IGF1R: variants seen among roughly 807,000 people sequenced by gnomAD.
IGF1R encodes the protein insulin-like growth factor 1 receptor.
A neutral mutation model predicts 144.6 loss-of-function variants in IGF1R; 44 were observed. The ratio of observed to expected loss-of-function variants is 0.30; its 90% CI spans 0.24 to 0.39. IGF1R has a LOEUF of 0.39. Among genes scored for constraint, IGF1R ranks in the 10% least tolerant of loss-of-function variants. The probability of loss-of-function intolerance (pLI) is 1.00; values close to 1 mark genes in which losing one functional copy is unlikely to be tolerated. For synonymous variants in IGF1R, 795 were observed against 722.8 expected (o/e 1.10, Z -1.60); for missense variants, 1,355 against 1,833.7 (o/e 0.74, Z 4.77).
intron 13 of IGF1R, 122 bp from the exon 14 acceptor site, chr15:98,929,436 G>A (rs2015853854): frequency 1.3e-6 from 1 of 771,802 alleles, no homozygotes; most frequent in Non-Finnish European, 2.4e-6. Flanking sequence ...AATTCTTACT[G>A]TATGATGGGG....
intron 14 of IGF1R, 31 bp from the exon 15 acceptor site, chr15:98,930,204 T>G (rs1336573107): frequency 6.5e-7 from 1 of 1,530,518 alleles, no homozygotes; most frequent in Non-Finnish European, 9.1e-7. Context: ...GAGGTGGGGT[T>G]TTGTTAACGT....
At chr15:98,898,173 T>C (rs1201287473) in intron 4 of IGF1R, among the ~76,000 whole-genome samples, 3 of 152,244 alleles carry the variant, frequency 2.0e-5, no homozygotes, top group Non-Finnish European at 4.4e-5. Flanking sequence ...GTACTTCTGA[T>C]GTTTAATTCT....
At chr15:98,813,389 A>C (rs948174566) in intron 2 of IGF1R, among the ~76,000 whole-genome samples, 2 of 152,236 alleles carry the variant, frequency 1.3e-5, no homozygotes, top group African/African-American at 4.8e-5. Context: ...ATACCAGGCA[A>C]GAGACAGCCC....
Position 98,673,413 on chromosome 15 carries a change from G to A in IGF1R, c.94+23738G>A, listed in dbSNP as rs546178855. 1.2e-4 allele frequency among the ~76,000 whole-genome samples: 18 copies of A among 152,226 alleles called. No individual in the cohort carries two copies. In the East Asian group the frequency reaches 3.5e-3, roughly 29 times the overall value. On this transcript the variant is annotated intron_variant, in intron 1 of 20. Coordinates refer to ENST00000650285, the MANE Select transcript of IGF1R (RefSeq NM_000875.5). Reference sequence around the variant, plus strand: ...CTTTCCTCAGCTGCTCTTCTAGTAGGAAAATAACAGCCCTCTTAGCTGTAG... The same window carrying A: ...CTTTCCTCAGCTGCTCTTCTAGTAGAAAAATAACAGCCCTCTTAGCTGTAG...
chr15:98,734,030 A>C (rs1278683325), intron 2 of IGF1R, among the ~76,000 whole-genome samples: 1 of 152,216 alleles, frequency 6.6e-6, no homozygotes, highest in Admixed American at 6.5e-5. Context: ...CCTGCCTCGT[A>C]GGACCCTCAG....
chr15:98,946,496 C>A (rs1181663477), intron 19 of IGF1R, among the ~76,000 whole-genome samples: 2 of 152,112 alleles, frequency 1.3e-5, no homozygotes, highest in East Asian at 3.9e-4. Flanking sequence ...GCCAGGCAAG[C>A]AGGATCCTGC....
chr15:98,664,714 A>C (rs2052687820), intron 1 of IGF1R, among the ~76,000 whole-genome samples: 1 of 147,860 alleles, frequency 6.8e-6, no homozygotes. Context: ...AAAAAGTGTC[A>C]CCCATCTTGG....
chr15:98,930,347 G>T, intron 15 of IGF1R, 42 bp downstream of exon 15: 1 of 1,451,780 alleles, frequency 6.9e-7, no homozygotes, highest in Non-Finnish European at 9.6e-7. Context: ...TGCAGGGCAG[G>T]TAGATCGGGA....
At chr15:98,791,807 A>C (rs2056133239) in intron 2 of IGF1R, among the ~76,000 whole-genome samples, 1 of 152,252 alleles carries the variant, frequency 6.6e-6, no homozygotes, top group Non-Finnish European at 1.5e-5. Flanking sequence ...TACAAATGGA[A>C]GGTAGCATGT....
At chr15:98,678,067 T>G (rs926885493) in intron 1 of IGF1R, among the ~76,000 whole-genome samples, 1 of 152,322 alleles carries the variant, frequency 6.6e-6, no homozygotes, top group East Asian at 1.9e-4. Flanking sequence ...CCTGTCTTGT[T>G]TTCTTGGGTG....
intron 2 of IGF1R, among the ~76,000 whole-genome samples, chr15:98,749,069 TTTG>T (rs2054939219): frequency 1.3e-5 from 2 of 152,318 alleles, no homozygotes; most frequent in South Asian, 2.1e-4. Context: ...TTATTCAAGT[TTTG>T]TTGTTCTTGG....
intron 2 of IGF1R, among the ~76,000 whole-genome samples, chr15:98,791,079 C>T (rs2056117142): frequency 6.6e-6 from 1 of 152,188 alleles, no homozygotes; most frequent in Admixed American, 6.5e-5. Flanking sequence ...TAGCTTAGTT[C>T]ATGCTCAGAT....
At chr15:98,868,821 C>A (rs2012610948) in intron 2 of IGF1R, among the ~76,000 whole-genome samples, 1 of 152,178 alleles carries the variant, frequency 6.6e-6, no homozygotes, top group Non-Finnish European at 1.5e-5. Flanking sequence ...TGTTAGGTAC[C>A]TTCCTACTAC....
rs1349146662 is a variant in IGF1R, at chr15:98,963,972, T to G, written c.*6530T>G. On this transcript the variant is annotated 3_prime_UTR_variant, in exon 21 of 21. Transcript: ENST00000650285. ...GAAAGATCTGGAAACTATTTGGGTT[T>G]TGTTTTCAACTTTTCATTTGGATGT... The G allele has an allele frequency of 1.7e-5, 4 of 233,310 alleles. No individual in the cohort carries two copies. The highest frequency in any genetic ancestry group is 8.8e-5 in the African/African-American group (4 of 45,346). The allele number at this position is 233,310 out of a possible 1,614,324, so 14.5% of individuals were successfully genotyped here.
At chr15:98,658,235 C>G (rs1036932656) in intron 1 of IGF1R, among the ~76,000 whole-genome samples, 1 of 152,132 alleles carries the variant, frequency 6.6e-6, no homozygotes, top group African/African-American at 2.4e-5. Flanking sequence ...AATGTTTTTC[C>G]TCTTCACTAC....
chr15:98,808,192 T>C (rs965814519), intron 2 of IGF1R, among the ~76,000 whole-genome samples: 8 of 152,228 alleles, frequency 5.3e-5, no homozygotes, highest in Non-Finnish European at 1.0e-4. Flanking sequence ...GTATAAGATA[T>C]ATTCATCTTA....
intron 2 of IGF1R, among the ~76,000 whole-genome samples, chr15:98,791,115 G>C (rs2056118182): frequency 6.6e-6 from 1 of 152,110 alleles, no homozygotes; most frequent in Non-Finnish European, 1.5e-5. Flanking sequence ...ATGGGTTGTT[G>C]GTTAGAAATT....
intron 2 of IGF1R, among the ~76,000 whole-genome samples, chr15:98,758,204 AG>A (rs1302683976): frequency 6.8e-6 from 1 of 147,262 alleles, no homozygotes; most frequent in African/African-American, 2.5e-5. Context: ...AAAATTTTAA[AG>A]TGTTTTTTTT....
chr15:98,924,790 A>G (rs1351017951), intron 13 of IGF1R, 106 bp downstream of exon 13: 2 of 1,056,408 alleles, frequency 1.9e-6, no homozygotes, highest in Admixed American at 1.9e-5. Context: ...GTTAAAATGG[A>G]GTTGGCCAGC....
Sources: gnomAD v4.1 joint callset for allele counts (sites outside exome capture counted in the v4.1 genomes callset) on GRCh38, gnomAD v4.1.1 for gene constraint, MANE v1.5 for transcripts, NCBI Gene and HGNC (gene_info 2026-07-23, HGNC 2026-07-21) for gene names.